The following BCAR3 variants were observed in gnomAD, a reference collection of about 807,000 sequenced individuals.
The protein encoded by BCAR3 is BCAR3 adaptor protein, NSP family member, also known as breast cancer anti-estrogen resistance protein 3.
BCAR3 carries 37 observed loss-of-function variants against 80.1 expected under a neutral mutation model. The observed-to-expected ratio is 0.46, with a 90% confidence interval of 0.36 to 0.61. The LOEUF (loss-of-function observed/expected upper bound fraction) is 0.61, where lower values mean the gene tolerates loss of function less well. BCAR3 is among the 20% of genes least tolerant of loss of function. BCAR3 has a pLI of 0.00. For missense variants in BCAR3, 978 were observed against 1,068.2 expected (o/e 0.92, Z 1.18); for synonymous variants, 389 against 418.9 (o/e 0.93, Z 0.87).
At chr1:93,772,373 A>C (rs764160715) in intron 2 of BCAR3, among the ~76,000 whole-genome samples, 6 of 152,182 alleles carry the variant, frequency 3.9e-5, no homozygotes, top group Non-Finnish European at 8.8e-5. Flanking sequence ...GCTTCTATCA[A>C]TGCTGCCAGT....
chr1:93,706,744 T>C (rs1256915693), intron 2 of BCAR3, among the ~76,000 whole-genome samples: 1 of 152,212 alleles, frequency 6.6e-6, no homozygotes, highest in Admixed American at 6.5e-5. Context: ...TATAAATGTT[T>C]GATAAATAAA....
At chr1:93,754,528 T>C (rs747336759) in intron 2 of BCAR3, among the ~76,000 whole-genome samples, 33 of 152,210 alleles carry the variant, frequency 2.2e-4, no homozygotes, top group Non-Finnish European at 4.1e-4. Flanking sequence ...TTATCTCCAT[T>C]GTGCAGATGA....
At chr1:93,665,396 TC>T (rs1200267914) in intron 2 of BCAR3, among the ~76,000 whole-genome samples, 1 of 149,794 alleles carries the variant, frequency 6.7e-6, no homozygotes, top group African/African-American at 2.5e-5. Context: ...AATTCTATCA[TC>T]AAAAAAAAAA....
intron 2 of BCAR3, among the ~76,000 whole-genome samples, chr1:93,821,572 T>G (rs1045826440): frequency 1.3e-5 from 2 of 152,188 alleles, no homozygotes; most frequent in African/African-American, 4.8e-5. Flanking sequence ...ATTTGAAAAG[T>G]GAGCAAACGT....
chr1:93,727,321 C>T (rs1219216011), intron 2 of BCAR3, among the ~76,000 whole-genome samples: 1 of 152,194 alleles, frequency 6.6e-6, no homozygotes, highest in Non-Finnish European at 1.5e-5. Flanking sequence ...TTCTTCTGGA[C>T]TAGCTCCTAG....
intron 1 of BCAR3, among the ~76,000 whole-genome samples, chr1:93,676,142 G>A (rs1648476900): frequency 6.6e-6 from 1 of 152,024 alleles, no homozygotes; most frequent in Non-Finnish European, 1.5e-5. Flanking sequence ...CCTTTCCACT[G>A]CATTACTCAG....
intron 2 of BCAR3, among the ~76,000 whole-genome samples, chr1:93,836,366 T>G (rs889867513): frequency 6.6e-6 from 1 of 152,194 alleles, no homozygotes; most frequent in African/African-American, 2.4e-5. Context: ...TTCTTAGTCC[T>G]TTAATACCTG....
chr1:93,836,971 C>T (rs1282408840), intron 2 of BCAR3, among the ~76,000 whole-genome samples: 1 of 152,168 alleles, frequency 6.6e-6, no homozygotes, highest in Admixed American at 6.5e-5. Context: ...CTGCCCCACC[C>T]CATCTCCCTT....
chr1:93,623,071 G>A (rs1305259252), intron 3 of BCAR3, among the ~76,000 whole-genome samples: 3 of 152,100 alleles, frequency 2.0e-5, no homozygotes, highest in Admixed American at 6.5e-5. Context: ...CCCACCCCCT[G>A]CCCATAACTT....
chr1:93,722,570 G>A (rs1296520542), intron 2 of BCAR3, among the ~76,000 whole-genome samples: 1 of 152,096 alleles, frequency 6.6e-6, no homozygotes, highest in Admixed American at 6.5e-5. Flanking sequence ...GCCATTGTCT[G>A]AACAACAATA....
chr1:93,614,259 G>T, intron 3 of BCAR3: 1 of 637,148 alleles, frequency 1.6e-6, no homozygotes, highest in Non-Finnish European at 2.0e-6. Context: ...GGCTTTAGCT[G>T]TCCCCTCAAT....
At chr1:93,734,870 C>A (rs745410026) in intron 2 of BCAR3, among the ~76,000 whole-genome samples, 3 of 152,340 alleles carry the variant, frequency 2.0e-5, no homozygotes, top group Non-Finnish European at 4.4e-5. Context: ...CCTACTCACC[C>A]TTCAGTTATC....
chr1:93,777,002 G>A (rs1652573342), intron 2 of BCAR3, among the ~76,000 whole-genome samples: 1 of 152,174 alleles, frequency 6.6e-6, no homozygotes, highest in South Asian at 2.1e-4. Flanking sequence ...CCTTGATTCA[G>A]TCCTTATAAG....
At chr1:93,783,964 G>A (rs982411642) in intron 2 of BCAR3, among the ~76,000 whole-genome samples, 1 of 152,140 alleles carries the variant, frequency 6.6e-6, no homozygotes, top group African/African-American at 2.4e-5. Context: ...TCTCTCTTGC[G>A]ATGTTTACCC....
At chr1:93,590,482 A>G (rs1371056853) in intron 4 of BCAR3, 1 of 152,260 alleles carries the variant, frequency 6.6e-6, no homozygotes, top group African/African-American at 2.4e-5. Context: ...TATAGTGTTC[A>G]GTTATCCAGT....
intron 8 of BCAR3, among the ~76,000 whole-genome samples, chr1:93,573,007 T>G (rs557570387): frequency 3.3e-5 from 5 of 152,192 alleles, no homozygotes. Flanking sequence ...TCACTTGCAG[T>G]GTAAGCTTGG....
chr1:93,640,760 C>T (rs1381698503), intron 3 of BCAR3, among the ~76,000 whole-genome samples: 2 of 152,212 alleles, frequency 1.3e-5, no homozygotes, highest in Non-Finnish European at 2.9e-5. Flanking sequence ...TGAGAATGCA[C>T]TACCAAATTA....
At chr1:93,668,702 C>CTT (rs113398047) in intron 2 of BCAR3, among the ~76,000 whole-genome samples, 1 of 144,044 alleles carries the variant, frequency 6.9e-6, no homozygotes, top group Non-Finnish European at 1.5e-5. Context: ...CTAATAAAAG[C>CTT]TTTTTTTTTT....
chr1:93,678,601 A>G (rs527644274), intron 1 of BCAR3, among the ~76,000 whole-genome samples: 6 of 152,344 alleles, frequency 3.9e-5, no homozygotes, highest in South Asian at 4.1e-4. Context: ...TCCTGCTCTC[A>G]TGGAGGAATC....
Sources: gnomAD v4.1 joint callset for allele counts (sites outside exome capture counted in the v4.1 genomes callset) on GRCh38, gnomAD v4.1.1 for gene constraint, MANE v1.5 for transcripts, NCBI Gene and HGNC (gene_info 2026-07-23, HGNC 2026-07-21) for gene names.